DTX3L: variants seen among roughly 807,000 people sequenced by gnomAD.
DTX3L encodes the protein deltex E3 ubiquitin ligase 3L, also known as E3 ubiquitin-protein ligase DTX3L.
In DTX3L, 34 loss-of-function variants were observed where a neutral mutation model predicts 60.9. The observed-to-expected ratio is 0.56, with a 90% CI of 0.42 to 0.74. DTX3L has a LOEUF of 0.74. Ranked by LOEUF, DTX3L falls within the 30% of genes least tolerant of loss-of-function variation. DTX3L has a pLI of 0.00. For synonymous variants in DTX3L, 290 were observed against 316.6 expected (o/e 0.92, Z 0.89); for missense variants, 810 against 874.0 (o/e 0.93, Z 0.92).
At position 122,569,295 on chromosome 3, in the gene DTX3L, G is replaced by C; in HGVS notation, c.1206G>C (p.Arg402Ser). The C allele has an allele frequency of 1.2e-6, 2 of 1,614,212 alleles. No individual in the cohort carries two copies. Among genetic ancestry groups the C allele is most frequent in the South Asian group, 1.1e-5 (1 of 91,078 alleles). Residue 402 changes from arginine to serine, a missense_variant, in exon 3 of 5, where the codon AGG (arginine) becomes AGC (serine). Arg to Ser is a moderately radical substitution (Grantham distance 110). Coordinates refer to ENST00000296161, the MANE Select transcript of DTX3L (RefSeq NM_138287.3). ...AGGAGATATCAGAGATCGAAAAAAG[G>C]TATGACATTTGCAGCAAGGTTTCTG... ...LLQEISEIEK[R>S]YDICSKVSEK...
At position 122,568,843 on chromosome 3, in the gene DTX3L, G is replaced by C; in HGVS notation, c.754G>C (p.Asp252His). The C allele has an allele frequency of 6.2e-7, 1 of 1,613,922 alleles. No homozygotes were observed. Among genetic ancestry groups the C allele is most frequent in the Non-Finnish European group, 8.5e-7 (1 of 1,179,990 alleles). ...TGAATACTTTAAATATATCTGTCCT[G>C]ATAAAATCAACTCAATAGAGAAAAG... Reference protein sequence around the residue: ...YFEYFKYICPDKINSIEKRFG... With the variant: ...YFEYFKYICPHKINSIEKRFG... The change falls in exon 3 of 5, where the codon GAT becomes CAT. Residue 252 changes from aspartate (D) to histidine (H), a missense_variant. Coordinates refer to ENST00000296161, the MANE Select transcript of DTX3L (RefSeq NM_138287.3).
rs1317156378 is a variant in DTX3L at position 122,568,556 on chromosome 3, C to T, written c.467C>T (p.Thr156Ile). The change falls in exon 3 of 5, where the codon ACC (threonine) becomes ATC (isoleucine). Residue 156 changes from threonine (T) to isoleucine (I), a missense_variant. Thr to Ile is a moderately conservative substitution (Grantham distance 89). Coordinates refer to ENST00000296161, the MANE Select transcript of DTX3L (RefSeq NM_138287.3). ...TCCAAAGAGCAGAGGGCATACATAA[C>T]CACACTGTGCCCTAGTATCAGAAAA... is the stretch of plus-strand genomic sequence containing the variant. The part of the protein sequence containing the change: ...LFSKEQRAYI[T>I]TLCPSIRKME... 8 of 1,613,998 alleles carry T rather than the reference C, an allele frequency of 5.0e-6. No individual in the cohort carries two copies. Among genetic ancestry groups the T allele is most frequent in the African/African-American group, 1.3e-5 (1 of 74,900 alleles).
Position 122,572,561 on chromosome 3 carries a change from T to A in DTX3L, c.*814T>A, listed in dbSNP as rs1430225940. 6.6e-6 allele frequency: 1 copy of A among 152,166 alleles called. No homozygotes were observed. Among genetic ancestry groups the A allele is most frequent in the East Asian group, 1.9e-4 (1 of 5,188 alleles). 9.4% of individuals were successfully genotyped at this position (152,166 alleles called of 1,614,324 possible). ...TGAGTAGAGATTGGGCAAGCATTGG[T>A]AATAAATGGAATAAGACTATTATTA... On this transcript the variant is annotated 3_prime_UTR_variant, in exon 5 of 5. Coordinates refer to ENST00000296161, the MANE Select transcript of DTX3L (RefSeq NM_138287.3).
In DTX3L at chr3:122,571,774, C is replaced by T; in HGVS notation, c.*27C>T. ...ACAACTGCTGGAAGATGTCTTAAAT[C>T]AAGCTTTCAAAAAAATATATTTTAG... On this transcript the variant is annotated 3_prime_UTR_variant, in exon 5 of 5. Coordinates refer to ENST00000296161, the MANE Select transcript of DTX3L (RefSeq NM_138287.3). 1 of 1,580,510 alleles carries T rather than the reference C, an allele frequency of 6.3e-7. No individual in the cohort carries two copies.
rs2080669414 is a variant in DTX3L at position 122,574,481 on chromosome 3, C to T, written c.*2734C>T. The T allele has an allele frequency of 6.6e-6, 1 of 152,176 alleles. No homozygotes were observed. Among genetic ancestry groups the T allele is most frequent in the African/African-American group, 2.4e-5 (1 of 41,438 alleles). The allele number at this position is 152,176 out of a possible 1,614,324, so 9.4% of individuals were successfully genotyped here. A position where few individuals can be genotyped will look rare whatever the true frequency, so the allele number is the denominator to read the frequency against. The stretch of plus-strand genomic sequence containing the variant: ...TTCTTTTCCCAAAGATACACATACA[C>T]ACATGTACAAATTTTTTTATCAGAT... On this transcript the variant is annotated 3_prime_UTR_variant, in exon 5 of 5. Coordinates refer to ENST00000296161, the MANE Select transcript of DTX3L (RefSeq NM_138287.3).
chr3:122,564,695 C>T (rs2080523426), intron 1 of DTX3L, 82 bp downstream of exon 1: 3 of 1,496,048 alleles, frequency 2.0e-6, no homozygotes, highest in Non-Finnish European at 1.8e-6. Context: ...TCCAGCTGAC[C>T]TAGGGGAGAG....
rs16833199 is a variant in DTX3L, at chr3:122,575,170, T to C, written c.*3423T>C. 6.6e-6 allele frequency: 1 copy of C among 152,248 alleles called. No homozygotes were observed. The highest frequency in any genetic ancestry group is 1.9e-4 in the East Asian group (1 of 5,194). The allele number at this position is 152,248 out of a possible 1,614,324, so 9.4% of individuals were successfully genotyped here. A position where few individuals can be genotyped will look rare whatever the true frequency, so the allele number is the denominator to read the frequency against. ...TCTTTGGAAGCTGTTATCATCTGTA[T>C]CTGCTTTAAATAAAGTTAAAGATTT... is the stretch of plus-strand genomic sequence containing the variant. On this transcript the variant is annotated 3_prime_UTR_variant, in exon 5 of 5. Transcript: ENST00000296161.
Position 122,571,860 on chromosome 3 carries a change from C to G in DTX3L, c.*113C>G. ...GAAAGGACTTTGAAATTTTTCTTCTCAAGAAATGGTTTGTATAAGAATAAC... is the reference window on the plus strand; with the variant it reads ...GAAAGGACTTTGAAATTTTTCTTCTGAAGAAATGGTTTGTATAAGAATAAC... On this transcript the variant is annotated 3_prime_UTR_variant, in exon 5 of 5. Transcript: ENST00000296161. 1 of 853,900 alleles carries G rather than the reference C, an allele frequency of 1.2e-6. No individual in the cohort carries two copies. The highest frequency in any genetic ancestry group is 1.8e-6 in the Non-Finnish European group (1 of 561,862). 52.9% of individuals were successfully genotyped at this position (853,900 alleles called of 1,614,324 possible). A position where few individuals can be genotyped will look rare whatever the true frequency, so the allele number is the denominator to read the frequency against.
intron 3 of DTX3L, 194 bp from the exon 4 acceptor site, chr3:122,570,261 T>C: frequency 1.4e-6 from 1 of 722,148 alleles, no homozygotes; most frequent in Non-Finnish European, 2.3e-6. Flanking sequence ...GAGATGGGGG[T>C]ATCAGGAAGG....
intron 2 of DTX3L, among the ~76,000 whole-genome samples, chr3:122,567,676 A>C (rs1257425625): frequency 6.6e-6 from 1 of 152,154 alleles, no homozygotes; most frequent in Non-Finnish European, 1.5e-5. Context: ...GAAGAGAAAA[A>C]ATAGTAATAG....
At chr3:122,571,126 C>A (rs962059287) in intron 4 of DTX3L, among the ~76,000 whole-genome samples, 3 of 152,036 alleles carry the variant, frequency 2.0e-5, no homozygotes, top group Non-Finnish European at 4.4e-5. Context: ...CTGTATTATA[C>A]GAAATCCAAT....
intron 2 of DTX3L, among the ~76,000 whole-genome samples, chr3:122,566,983 C>T (rs888571247): frequency 6.6e-6 from 1 of 152,284 alleles, no homozygotes; most frequent in South Asian, 2.1e-4. Context: ...TCTGGAAAAA[C>T]CTCAAGTGAG....
Position 122,568,764 on chromosome 3 carries a change from A to G in DTX3L, c.675A>G (p.Pro225=), listed in dbSNP as rs1406592164. The change falls in exon 3 of 5, where the codon CCA becomes CCG. Residue 225 remains proline (P), a synonymous_variant. Transcript: ENST00000296161. ...ACAGCTGCATTTCTCCTTCTGAACCAGAAACCAAGGCAGAACAAAAAAGCA... is the reference window on the plus strand; with the variant it reads ...ACAGCTGCATTTCTCCTTCTGAACCGGAAACCAAGGCAGAACAAAAAAGCA... ...ERDSCISPSE[P]ETKAEQKSNY... 5.0e-6 allele frequency: 8 copies of G among 1,614,054 alleles called. No individual in the cohort carries two copies.
At chr3:122,570,729 C>T (rs899310431) in intron 4 of DTX3L, 57 bp downstream of exon 4, 156 of 1,571,824 alleles carry the variant, frequency 9.9e-5, no homozygotes, top group South Asian at 3.6e-4. Flanking sequence ...TTATGAAATA[C>T]GGCAATTTCT....
intron 4 of DTX3L, 137 bp downstream of exon 4, chr3:122,570,809 A>G (rs1262227032): frequency 2.3e-6 from 2 of 882,230 alleles, no homozygotes; most frequent in African/African-American, 3.4e-5. Context: ...GGGGATGGTA[A>G]TCTCAAAGAC....
chr3:122,568,520 G>A lies in DTX3L; in HGVS notation c.431G>A (p.Cys144Tyr). Reference sequence around the variant, plus strand: ...CTTACTGTAACAGCTGACCTGAACTGTAACCTGTTCTCCAAAGAGCAGAGG... The same window carrying A: ...CTTACTGTAACAGCTGACCTGAACTATAACCTGTTCTCCAAAGAGCAGAGG... ...IFLTVTADLN[C>Y]NLFSKEQRAY... Residue 144 changes from cysteine (C) to tyrosine (Y), a missense_variant, in exon 3 of 5, where the codon TGT becomes TAT. Transcript: ENST00000296161. 1 of 1,612,524 alleles carries A rather than the reference G, an allele frequency of 6.2e-7. No homozygotes were observed. Among genetic ancestry groups the A allele is most frequent in the Non-Finnish European group, 8.5e-7 (1 of 1,179,396 alleles).
At position 122,569,870 on chromosome 3, in the gene DTX3L, C is replaced by T. The variant is rs1261171993; in HGVS notation, c.1781C>T (p.Pro594Leu). ...ATCAACAAAGCCATGTCATATAAGC[C>T]AATCTGTCCCACATGCCAGACTTCC... ...PCINKAMSYK[P>L]ICPTCQTSYG... Residue 594 changes from proline to leucine, a missense_variant, in exon 3 of 5, where the codon CCA becomes CTA. Physicochemically the swap from Pro to Leu is moderately conservative, Grantham distance 98 (BLOSUM62 -3). Coordinates refer to ENST00000296161, the MANE Select transcript of DTX3L (RefSeq NM_138287.3). 3 of 1,614,024 alleles carry T rather than the reference C, an allele frequency of 1.9e-6. No homozygotes were observed. Among genetic ancestry groups the T allele is most frequent in the South Asian group, 2.2e-5 (2 of 91,092 alleles).
rs1487407690 is a variant in DTX3L at position 122,571,754 on chromosome 3, T to G, written c.*7T>G. On this transcript the variant is annotated 3_prime_UTR_variant, in exon 5 of 5. Transcript: ENST00000296161. ...AGCCAAAGGAATTGAGTAAGACAAC[T>G]GCTGGAAGATGTCTTAAATCAAGCT... 6.2e-7 allele frequency: 1 copy of G among 1,607,534 alleles called. No homozygotes were observed.
rs574907869 is a variant in DTX3L, at chr3:122,572,033, C to G, written c.*286C>G. 2.7e-4 allele frequency: 53 copies of G among 193,922 alleles called. No individual in the cohort carries two copies. The highest frequency in any genetic ancestry group is 5.4e-4 in the Admixed American group (10 of 18,370). 12.0% of individuals were successfully genotyped at this position (193,922 alleles called of 1,614,324 possible). On this transcript the variant is annotated 3_prime_UTR_variant, in exon 5 of 5. Coordinates refer to ENST00000296161, the MANE Select transcript of DTX3L (RefSeq NM_138287.3). Reference sequence around the variant, plus strand: ...ATGCCATTCTCCTACCTCAGCCTCCCGAGTAGCTGGGACTACAGGCGCCCA... The same window carrying G: ...ATGCCATTCTCCTACCTCAGCCTCCGGAGTAGCTGGGACTACAGGCGCCCA...
Sources: allele counts gnomAD v4.1 joint callset (sites outside exome capture counted in the v4.1 genomes callset), GRCh38; gene constraint gnomAD v4.1.1; transcripts MANE v1.5; gene names NCBI Gene and HGNC (gene_info 2026-07-23, HGNC 2026-07-21).